Variants in CHST11 observed in about 807,000 individuals in gnomAD.
CHST11 encodes the protein C4S-1.
CHST11 carries 9 observed loss-of-function variants against 30.4 expected under a neutral mutation model. The ratio of observed to expected loss-of-function variants is 0.30; its 90% CI spans 0.18 to 0.52. The LOEUF (loss-of-function observed/expected upper bound fraction) is 0.52, where lower values mean the gene tolerates loss of function less well. Among genes scored for constraint, CHST11 ranks in the 20% least tolerant of loss-of-function variants. The probability of loss-of-function intolerance (pLI) is 0.97; values close to 1 mark genes in which losing one functional copy is unlikely to be tolerated. For missense variants in CHST11, 348 were observed against 460.6 expected (o/e 0.76, Z 2.24); for synonymous variants, 152 against 187.8 (o/e 0.81, Z 1.56).
intron 1 of CHST11, among the ~76,000 whole-genome samples, chr12:104,551,542 C>T (rs576843874): frequency 1.3e-5 from 2 of 152,118 alleles, no homozygotes; most frequent in East Asian, 1.9e-4. Context: ...ATGAGATAAT[C>T]GCCCTCCTCC....
At chr12:104,691,597 C>T (rs994173773) in intron 2 of CHST11, among the ~76,000 whole-genome samples, 10 of 151,568 alleles carry the variant, frequency 6.6e-5, no homozygotes, top group African/African-American at 1.9e-4. Flanking sequence ...AAGCGATTCT[C>T]CTGCCTCAGC....
chr12:104,662,645 C>T (rs2039607803), intron 2 of CHST11, among the ~76,000 whole-genome samples: 1 of 151,994 alleles, frequency 6.6e-6, no homozygotes, highest in Non-Finnish European at 1.5e-5. Context: ...TGTGTAATTC[C>T]CAGCTCACCA....
intron 1 of CHST11, 90 bp downstream of exon 1, chr12:104,457,619 T>C (rs2037365755): frequency 3.2e-6 from 3 of 941,916 alleles, no homozygotes; most frequent in Non-Finnish European, 1.7e-6. Flanking sequence ...CTTCCAACCC[T>C]ACCTCTCCGC....
chr12:104,686,809 G>C, intron 2 of CHST11, among the ~76,000 whole-genome samples: 1 of 152,004 alleles, frequency 6.6e-6, no homozygotes, highest in South Asian at 2.1e-4. Context: ...CACCACGCCT[G>C]GCTAATTTTT....
At chr12:104,627,015 C>T (rs1005718439) in intron 2 of CHST11, among the ~76,000 whole-genome samples, 7 of 152,160 alleles carry the variant, frequency 4.6e-5, no homozygotes, top group Non-Finnish European at 8.8e-5. Context: ...TCCCTCCCCC[C>T]AAGCACTGGC....
At chr12:104,593,682 T>A (rs1486964995) in intron 1 of CHST11, among the ~76,000 whole-genome samples, 1 of 152,190 alleles carries the variant, frequency 6.6e-6, no homozygotes, top group Non-Finnish European at 1.5e-5. Flanking sequence ...ATCCCAACTC[T>A]GACATTCACT....
chr12:104,578,785 T>G (rs1351736319), intron 1 of CHST11, among the ~76,000 whole-genome samples: 1 of 152,122 alleles, frequency 6.6e-6, no homozygotes, highest in African/African-American at 2.4e-5. Flanking sequence ...AGATAGGAAT[T>G]CTTGAGGAGG....
intron 2 of CHST11, among the ~76,000 whole-genome samples, chr12:104,698,356 A>T (rs1218423897): frequency 6.6e-6 from 1 of 152,078 alleles, no homozygotes; most frequent in Non-Finnish European, 1.5e-5. Flanking sequence ...CCCTGTCTCT[A>T]CTTGTGAAAC....
At chr12:104,648,687 A>G (rs1343839061) in intron 2 of CHST11, among the ~76,000 whole-genome samples, 1 of 152,042 alleles carries the variant, frequency 6.6e-6, no homozygotes, top group African/African-American at 2.4e-5. Context: ...GGTGGTGTGT[A>G]CCTGTAATCC....
chr12:104,653,924 C>T (rs1275636124), intron 2 of CHST11, among the ~76,000 whole-genome samples: 1 of 152,152 alleles, frequency 6.6e-6, no homozygotes. Context: ...ATTTCACCTG[C>T]AGGGGGCCAA....
chr12:104,657,061 C>T (rs570033374), intron 2 of CHST11, among the ~76,000 whole-genome samples: 138 of 151,430 alleles, frequency 9.1e-4, no homozygotes, highest in Admixed American at 3.3e-3. Context: ...AATTGAGTTG[C>T]TTAAGGCCAG....
At chr12:104,522,745 G>C (rs759258213) in intron 1 of CHST11, among the ~76,000 whole-genome samples, 14 of 152,132 alleles carry the variant, frequency 9.2e-5, no homozygotes, top group Non-Finnish European at 1.8e-4. Flanking sequence ...GCCTCCTAAA[G>C]TGCTGGAATT....
chr12:104,514,269 G>A, intron 1 of CHST11: 2 of 862,942 alleles, frequency 2.3e-6, no homozygotes, highest in Non-Finnish European at 4.0e-6. Context: ...TGGTGTGGGT[G>A]GTTCAGGGGC....
At chr12:104,705,929 A>T (rs988963976) in intron 2 of CHST11, among the ~76,000 whole-genome samples, 4 of 144,930 alleles carry the variant, frequency 2.8e-5, no homozygotes, top group African/African-American at 1.0e-4. Flanking sequence ...AAAAAAAAAA[A>T]GAAATTTAAA....
intron 2 of CHST11, among the ~76,000 whole-genome samples, chr12:104,705,757 C>CA (rs1489460817): frequency 1.3e-5 from 2 of 150,840 alleles, no homozygotes; most frequent in Non-Finnish European, 3.0e-5. Context: ...TCCTTCTCTA[C>CA]AAAAAATACA....
chr12:104,643,064 C>T (rs1356531528), intron 2 of CHST11, among the ~76,000 whole-genome samples: 1 of 152,200 alleles, frequency 6.6e-6, no homozygotes, highest in Non-Finnish European at 1.5e-5. Context: ...TGGTGCACAC[C>T]TGTAATGCCA....
At chr12:104,527,125 A>G (rs1047929063) in intron 1 of CHST11, among the ~76,000 whole-genome samples, 2 of 152,224 alleles carry the variant, frequency 1.3e-5, no homozygotes, top group African/African-American at 4.8e-5. Context: ...CTGTATTCAG[A>G]GATAAATAGG....
At chr12:104,490,803 GA>G (rs1244081574) in intron 1 of CHST11, among the ~76,000 whole-genome samples, 1 of 152,178 alleles carries the variant, frequency 6.6e-6, no homozygotes, top group Non-Finnish European at 1.5e-5. Flanking sequence ...CAGATCTAAA[GA>G]GACAATATTT....
At chr12:104,659,341 T>G (rs1303479071) in intron 2 of CHST11, among the ~76,000 whole-genome samples, 1 of 152,186 alleles carries the variant, frequency 6.6e-6, no homozygotes, top group Non-Finnish European at 1.5e-5. Flanking sequence ...ACATGATAAT[T>G]GCTCAAGACA....
Sources: allele counts gnomAD v4.1 joint callset (sites outside exome capture counted in the v4.1 genomes callset), GRCh38; gene constraint gnomAD v4.1.1; transcripts MANE v1.5; gene names NCBI Gene and HGNC (gene_info 2026-07-23, HGNC 2026-07-21).